Variants in XKR4 observed in about 807,000 individuals in gnomAD.
XKR4 encodes the protein XK related 4, also known as XK-related protein 4.
XKR4 carries 12 observed loss-of-function variants against 53.9 expected under a neutral mutation model. That is an observed-to-expected ratio of 0.22 (90% CI 0.14 to 0.36). XKR4 has a LOEUF of 0.36. XKR4 is among the 10% of genes least tolerant of loss of function. The pLI, the probability that XKR4 is intolerant of heterozygous loss-of-function variation, is 1.00. For synonymous variants in XKR4, 354 were observed against 362.4 expected (o/e 0.98, Z 0.26); for missense variants, 799 against 859.5 (o/e 0.93, Z 0.88).
chr8:55,515,114 T>A (rs1041578394), intron 2 of XKR4, among the ~76,000 whole-genome samples: 6 of 152,248 alleles, frequency 3.9e-5, no homozygotes, highest in East Asian at 1.9e-4. Flanking sequence ...AAACTTTTTT[T>A]AATTTCAATT....
chr8:55,332,881 A>T, intron 1 of XKR4, among the ~76,000 whole-genome samples: 1 of 147,940 alleles, frequency 6.8e-6, no homozygotes, highest in Non-Finnish European at 1.5e-5. Context: ...TTGCTTGATG[A>T]TGTCTCATAA....
rs1483756738 is a variant in XKR4 at position 55,301,175 on chromosome 8, G to GTGATA, written c.807-56499_807-56498insATGAT. On this transcript the variant is annotated intron_variant, in intron 1 of 2. Coordinates refer to ENST00000327381, the MANE Select transcript of XKR4 (RefSeq NM_052898.2). ...CCCACCCCACAACAGACCCCGGAGTGTGATGTTCCCCTTCCTGTGTCCATG... is the reference window on the plus strand; with the variant it reads ...CCCACCCCACAACAGACCCCGGAGTGTGATATGATGTTCCCCTTCCTGTGTCCATG... 1.1e-3 allele frequency among the ~76,000 whole-genome samples: 136 copies of GTGATA among 127,656 alleles called. 1 individual carries two copies. The highest frequency in any genetic ancestry group is 4.0e-3 in the African/African-American group (129 of 32,498). 83.7% of individuals were successfully genotyped at this position (127,656 alleles called of 152,430 possible).
At chr8:55,160,415 TA>T (rs528664171) in intron 1 of XKR4, among the ~76,000 whole-genome samples, 88 of 152,254 alleles carry the variant, frequency 5.8e-4, no homozygotes, top group African/African-American at 2.0e-3. Flanking sequence ...TAGAGGTCTG[TA>T]GGCATGAACT....
rs1462391959 is a variant in XKR4, at chr8:55,224,151, G to A, written c.806+120857G>A. Among the ~76,000 whole-genome samples, 4 of 151,630 alleles carry A rather than the reference G, an allele frequency of 2.6e-5. No individual in the cohort carries two copies. In the East Asian group the frequency reaches 7.7e-4, roughly 29 times the overall value. The stretch of plus-strand genomic sequence containing the variant: ...TTTCATTTTTGCCTCCTTCCTCTAA[G>A]AATTATATTCTTTTATTCTGTCAGG... On this transcript the variant is annotated intron_variant, in intron 1 of 2. Transcript: ENST00000327381.
intron 1 of XKR4, among the ~76,000 whole-genome samples, chr8:55,309,312 G>T (rs1463270398): frequency 6.6e-6 from 1 of 152,156 alleles, no homozygotes; most frequent in Non-Finnish European, 1.5e-5. Flanking sequence ...AGCCCTGAAA[G>T]ATTACATACT....
rs1009916687 is a variant in XKR4 at position 55,396,100 on chromosome 8, G to T, written c.1006+38223G>T. On this transcript the variant is annotated intron_variant, in intron 2 of 2. Coordinates refer to ENST00000327381, the MANE Select transcript of XKR4 (RefSeq NM_052898.2). Reference sequence around the variant, plus strand: ...CTGACCACCTCCTAATACCATGGGGGTATTAGGGTTTTAACACAGGAATTT... The same window carrying T: ...CTGACCACCTCCTAATACCATGGGGTTATTAGGGTTTTAACACAGGAATTT... Among the ~76,000 whole-genome samples, 6 of 152,344 alleles carry T rather than the reference G, an allele frequency of 3.9e-5. No individual in the cohort carries two copies. In the East Asian group the frequency reaches 1.2e-3, roughly 29 times the overall value.
At chr8:55,402,278 G>T (rs879795244) in intron 2 of XKR4, among the ~76,000 whole-genome samples, 8 of 152,244 alleles carry the variant, frequency 5.3e-5, no homozygotes, top group Non-Finnish European at 1.0e-4. Flanking sequence ...GATTGGAACT[G>T]CTCTGTGCTG....
intron 2 of XKR4, among the ~76,000 whole-genome samples, chr8:55,437,055 G>A (rs1485134196): frequency 1.3e-5 from 2 of 152,186 alleles, no homozygotes; most frequent in Admixed American, 1.3e-4. Flanking sequence ...GATTGAATAT[G>A]TGTTCTTCAT....
intron 1 of XKR4, among the ~76,000 whole-genome samples, chr8:55,308,838 A>G (rs1332043932): frequency 1.3e-5 from 2 of 152,208 alleles, no homozygotes; most frequent in African/African-American, 4.8e-5. Context: ...GCTATAGTAT[A>G]TGGCAATGGC....
chr8:55,414,774 G>A (rs920085102), intron 2 of XKR4, among the ~76,000 whole-genome samples: 5 of 152,078 alleles, frequency 3.3e-5, no homozygotes, highest in African/African-American at 1.2e-4. Flanking sequence ...AATTTTCCGA[G>A]CCATCTTTAA....
intron 1 of XKR4, among the ~76,000 whole-genome samples, chr8:55,134,372 G>T (rs1038620030): frequency 2.6e-5 from 4 of 152,204 alleles, no homozygotes; most frequent in African/African-American, 7.2e-5. Flanking sequence ...TATATAATTT[G>T]TGAGGGTAAA....
chr8:55,370,853 C>T (rs1407239385), intron 2 of XKR4, among the ~76,000 whole-genome samples: 1 of 152,040 alleles, frequency 6.6e-6, no homozygotes, highest in Non-Finnish European at 1.5e-5. Context: ...AACCACCATA[C>T]TCAGCACAGA....
At chr8:55,307,230 C>T (rs766772607) in intron 1 of XKR4, among the ~76,000 whole-genome samples, 1 of 152,130 alleles carries the variant, frequency 6.6e-6, no homozygotes, top group Non-Finnish European at 1.5e-5. Flanking sequence ...AAAATATTTG[C>T]AGACCAGATA....
chr8:55,504,668 G>A lies in XKR4; in HGVS notation c.1007-18613G>A, dbSNP rs115254442. Among the ~76,000 whole-genome samples, 819 of 152,190 alleles carry A rather than the reference G, an allele frequency of 5.4e-3. 7 individuals carry two copies. Among genetic ancestry groups the A allele is most frequent in the African/African-American group, 0.019 (783 of 41,530 alleles). ...TTAAATATTTGGTAAAATTTACCAG[G>A]GAATCCATCAGATCCCTGGGCTTTT... On this transcript the variant is annotated intron_variant, in intron 2 of 2. Transcript: ENST00000327381.
intron 1 of XKR4, among the ~76,000 whole-genome samples, chr8:55,182,857 G>C (rs1274099240): frequency 6.6e-6 from 1 of 152,062 alleles, no homozygotes; most frequent in Non-Finnish European, 1.5e-5. Flanking sequence ...GAATTGTGTA[G>C]ATCTGTAGAT....
chr8:55,153,822 T>A (rs1373052926), intron 1 of XKR4, among the ~76,000 whole-genome samples: 1 of 151,188 alleles, frequency 6.6e-6, no homozygotes, highest in Admixed American at 6.6e-5. Flanking sequence ...GCTTTCTTGA[T>A]ACTATGCGAA....
Position 55,216,378 on chromosome 8 carries a change from A to G in XKR4, c.806+113084A>G, listed in dbSNP as rs1315390954. 1.3e-5 allele frequency among the ~76,000 whole-genome samples: 2 copies of G among 152,218 alleles called. 1 individual carries two copies. On this transcript the variant is annotated intron_variant, in intron 1 of 2. Coordinates refer to ENST00000327381, the MANE Select transcript of XKR4 (RefSeq NM_052898.2). ...CCAAGGAATTAAAATTGAGCAATAT[A>G]GAGTAATATTTTTATGAACTTAGGG...
At position 55,531,245 on chromosome 8, in the gene XKR4, G is replaced by C. The variant is rs958897832; in HGVS notation, c.*7018G>C. 1 of 152,150 alleles carries C rather than the reference G, an allele frequency of 6.6e-6. No homozygotes were observed. The highest frequency in any genetic ancestry group is 2.1e-4 in the South Asian group (1 of 4,824). The allele number at this position is 152,150 out of a possible 1,614,324, so 9.4% of individuals were successfully genotyped here. On this transcript the variant is annotated 3_prime_UTR_variant, in exon 3 of 3. Transcript: ENST00000327381. ...TACCATGCTCCTAGGCTATATGGTA[G>C]AGCCTATTGTCCCTAGGCTACAAAC...
chr8:55,394,517 C>A (rs530759909), intron 2 of XKR4, among the ~76,000 whole-genome samples: 3 of 152,170 alleles, frequency 2.0e-5, no homozygotes, highest in Non-Finnish European at 4.4e-5. Flanking sequence ...TTACACCGTA[C>A]ACTGATTCAT....
Sources: allele counts gnomAD v4.1 joint callset (sites outside exome capture counted in the v4.1 genomes callset), GRCh38; gene constraint gnomAD v4.1.1; transcripts MANE v1.5; gene names NCBI Gene and HGNC (gene_info 2026-07-23, HGNC 2026-07-21).